CD8B2: variants seen among roughly 807,000 people sequenced by gnomAD.
The protein encoded by CD8B2 is T-cell surface glycoprotein CD8 beta-2 chain.
A neutral mutation model predicts 23.7 loss-of-function variants in CD8B2; 11 were observed. The observed-to-expected ratio is 0.46, with a 90% CI of 0.29 to 0.77. The LOEUF is 0.77. Among genes scored for constraint, CD8B2 ranks in the 30% least tolerant of loss-of-function variants. The pLI is 0.09. For missense variants in CD8B2, 197 were observed against 270.5 expected (o/e 0.73, Z 1.91); for synonymous variants, 90 against 109.3 (o/e 0.82, Z 1.10).
At chr2:106,531,267 C>T (rs1001599206) in intron 5 of CD8B2, among the ~76,000 whole-genome samples, 1 of 152,152 alleles carries the variant, frequency 6.6e-6, no homozygotes, top group African/African-American at 2.4e-5. Context: ...ATAGTAGATA[C>T]CGTCCCCCAA....
intron 3 of CD8B2, among the ~76,000 whole-genome samples, chr2:106,502,124 T>G (rs1434292041): frequency 6.6e-6 from 1 of 151,034 alleles, no homozygotes; most frequent in Non-Finnish European, 1.5e-5. Context: ...GATAAAACCC[T>G]CTCTCTACTA....
At chr2:106,516,021 G>T (rs1679724170), downstream of CD8B2, among the ~76,000 whole-genome samples, 1 of 151,904 alleles carries the variant, frequency 6.6e-6, no homozygotes, top group Non-Finnish European at 1.5e-5. Flanking sequence ...GTAGAGTCGG[G>T]GTTTCACCAT....
intron 5 of CD8B2, among the ~76,000 whole-genome samples, chr2:106,530,026 C>T (rs1026568034): frequency 1.3e-5 from 2 of 152,160 alleles, no homozygotes; most frequent in African/African-American, 2.4e-5. Flanking sequence ...AAGTTTCACC[C>T]GCTGAGAAAG....
chr2:106,505,055 G>T (rs1022448959), intron 5 of CD8B2, among the ~76,000 whole-genome samples: 2 of 152,200 alleles, frequency 1.3e-5, no homozygotes, highest in African/African-American at 4.8e-5. Flanking sequence ...GACCTTTAGT[G>T]GTGGCCATTT....
intron 5 of CD8B2, among the ~76,000 whole-genome samples, chr2:106,539,177 CCT>C (rs1415306627): frequency 6.6e-6 from 1 of 152,174 alleles, no homozygotes; most frequent in Non-Finnish European, 1.5e-5. Context: ...TAGCAGAGTG[CCT>C]GGTGCCCCCA....
At chr2:106,501,149 C>T (rs578125713) in intron 3 of CD8B2, among the ~76,000 whole-genome samples, 1 of 152,170 alleles carries the variant, frequency 6.6e-6, no homozygotes, top group African/African-American at 2.4e-5. Flanking sequence ...CAGGAAGGCA[C>T]CTTTGTAAGG....
At chr2:106,520,178 A>G (rs1679802165) in intron 5 of CD8B2, among the ~76,000 whole-genome samples, 2 of 152,212 alleles carry the variant, frequency 1.3e-5, no homozygotes, top group Non-Finnish European at 2.9e-5. Flanking sequence ...TTATAGTTCT[A>G]TATTGGTTTA....
chr2:106,520,084 G>A (rs1440694320), intron 5 of CD8B2, among the ~76,000 whole-genome samples: 2 of 152,172 alleles, frequency 1.3e-5, no homozygotes, highest in East Asian at 1.9e-4. Context: ...ACCAACTTCA[G>A]TGTGGGCTTA....
chr2:106,539,507 T>C lies in CD8B2; in HGVS notation c.621-4485T>C, dbSNP rs1573354340. Among the ~76,000 whole-genome samples the C allele has an allele frequency of 4.6e-5, 7 of 152,352 alleles. No individual in the cohort carries two copies. In the South Asian group the frequency reaches 1.2e-3, roughly 27 times the overall value. ...ATGTGTGCGGTGTGCTCATCTTTTA[T>C]TCTGAAGACAAATAAGGGGTCTTAC... On this transcript the variant is annotated intron_variant, in intron 5 of 5. Transcript: ENST00000416057.
chr2:106,501,606 C>T (rs1369300490), intron 3 of CD8B2, among the ~76,000 whole-genome samples: 2 of 152,154 alleles, frequency 1.3e-5, no homozygotes, highest in Admixed American at 6.5e-5. Context: ...CGCTTGAACC[C>T]AGAAGGCGGA....
downstream of CD8B2, among the ~76,000 whole-genome samples, chr2:106,514,357 A>G (rs1334200247): frequency 6.8e-6 from 1 of 146,634 alleles, no homozygotes; most frequent in Non-Finnish European, 1.5e-5. Context: ...GCACGATCTC[A>G]GCTCACTGCA....
At chr2:106,521,843 C>T (rs1469728322) in intron 5 of CD8B2, 2 of 152,234 alleles carry the variant, frequency 1.3e-5, no homozygotes, top group African/African-American at 4.8e-5. Flanking sequence ...CTGTAGTTCT[C>T]AAACTTCAGC....
chr2:106,522,558 T>G (rs1370695718), intron 5 of CD8B2, among the ~76,000 whole-genome samples: 1 of 152,200 alleles, frequency 6.6e-6, no homozygotes, highest in African/African-American at 2.4e-5. Flanking sequence ...CAAGGAGTTC[T>G]GGGTGCTGGT....
intron 5 of CD8B2, among the ~76,000 whole-genome samples, chr2:106,519,610 C>G (rs960284257): frequency 1.5e-4 from 23 of 152,272 alleles, no homozygotes; most frequent in South Asian, 4.1e-4. Flanking sequence ...TGAACTTACA[C>G]CCCAACGCTG....
At chr2:106,487,908 A>G (rs1277385802) in intron 1 of CD8B2, among the ~76,000 whole-genome samples, 3 of 151,838 alleles carry the variant, frequency 2.0e-5, no homozygotes, top group Non-Finnish European at 4.4e-5. Flanking sequence ...GTACAATCAG[A>G]CAAACATGGG....
At chr2:106,521,442 T>C (rs995280751) in intron 5 of CD8B2, 25 of 152,220 alleles carry the variant, frequency 1.6e-4, no homozygotes, top group African/African-American at 5.8e-4. Context: ...CAGGCTGCTC[T>C]TTGTTAGAAA....
At chr2:106,534,361 T>G (rs1267362908) in intron 5 of CD8B2, among the ~76,000 whole-genome samples, 1 of 152,118 alleles carries the variant, frequency 6.6e-6, no homozygotes, top group Non-Finnish European at 1.5e-5. Context: ...CTTACAGCCT[T>G]AAAATAAATT....
chr2:106,500,814 T>G (rs1679391373), intron 3 of CD8B2, among the ~76,000 whole-genome samples: 1 of 151,634 alleles, frequency 6.6e-6, no homozygotes, highest in Admixed American at 6.6e-5. Context: ...ACATTGATAG[T>G]GTAAAGTCTG....
chr2:106,507,195 T>G lies in CD8B2; in HGVS notation c.*255T>G, dbSNP rs1679526814. 1 of 1,295,510 alleles carries G rather than the reference T, an allele frequency of 7.7e-7. No individual in the cohort carries two copies. Among genetic ancestry groups the G allele is most frequent in the Non-Finnish European group, 9.8e-7 (1 of 1,017,412 alleles). 80.3% of individuals were successfully genotyped at this position (1,295,510 alleles called of 1,614,324 possible). ...TCACAGAGTGTGCTGGAGGACTGAG[T>G]AAGAAATGCTGCCCATGCCACCGCT... On this transcript the variant is annotated 3_prime_UTR_variant, in exon 6 of 6. Coordinates refer to ENST00000643224, the MANE Select transcript of CD8B2 (RefSeq NM_001349727.2).
Sources: allele counts gnomAD v4.1 joint callset (sites outside exome capture counted in the v4.1 genomes callset), GRCh38; gene constraint gnomAD v4.1.1; transcripts MANE v1.5; gene names NCBI Gene and HGNC (gene_info 2026-07-23, HGNC 2026-07-21).